The following FNBP1L variants were observed in gnomAD, a reference collection of about 807,000 sequenced individuals.
FNBP1L encodes formin binding protein 1 like.
In FNBP1L, 36 loss-of-function variants were observed where a neutral mutation model predicts 91.2. The ratio of observed to expected loss-of-function variants is 0.39; its 90% CI spans 0.30 to 0.52. The LOEUF is 0.52. Among genes scored for constraint, FNBP1L ranks in the 20% least tolerant of loss-of-function variants. The pLI is 0.66. For synonymous variants in FNBP1L, 242 were observed against 237.0 expected (o/e 1.02, Z -0.19); for missense variants, 571 against 732.1 (o/e 0.78, Z 2.54).
chr1:93,469,627 A>G (rs933237807), intron 1 of FNBP1L, among the ~76,000 whole-genome samples: 3 of 152,204 alleles, frequency 2.0e-5, no homozygotes, highest in Non-Finnish European at 2.9e-5. Flanking sequence ...AATGTTCACC[A>G]TAAATTTCTG....
chr1:93,467,771 A>G (rs1016622643), intron 1 of FNBP1L, among the ~76,000 whole-genome samples: 12 of 151,944 alleles, frequency 7.9e-5, no homozygotes, highest in Admixed American at 5.2e-4. Flanking sequence ...GGGCAACATA[A>G]CAAGACCCCA....
At chr1:93,490,511 A>G (rs1670058774) in intron 1 of FNBP1L, among the ~76,000 whole-genome samples, 1 of 152,206 alleles carries the variant, frequency 6.6e-6, no homozygotes, top group Non-Finnish European at 1.5e-5. Context: ...ATTTCACACA[A>G]GCTATGGTAA....
In FNBP1L at chr1:93,553,598, A is replaced by G. The variant is rs1335007173; in HGVS notation, c.*1182A>G. ...ATGACGATCATGTTTGATAATTACA[A>G]TGATAGTCTCTTTCCACGTGATGCT... On this transcript the variant is annotated 3_prime_UTR_variant, in exon 17 of 17. Coordinates refer to ENST00000271234, the MANE Select transcript of FNBP1L (RefSeq NM_001164473.3). 6.5e-6 allele frequency: 1 copy of G among 152,674 alleles called. No individual in the cohort carries two copies. Among genetic ancestry groups the G allele is most frequent in the Non-Finnish European group, 1.5e-5 (1 of 68,046 alleles). 9.5% of individuals were successfully genotyped at this position (152,674 alleles called of 1,614,324 possible).
chr1:93,529,556 TGTTA>T lies in FNBP1L; in HGVS notation c.406-91_406-88del. On this transcript the variant is annotated intron_variant, in intron 5 of 16. Transcript: ENST00000271234. ...GCTGCACCCATCAACCCGTCATCTATGTTAGTTATTTCTCCTAATGCTCTCTAAA... is the reference window on the plus strand; with the variant it reads ...GCTGCACCCATCAACCCGTCATCTATGTTATTTCTCCTAATGCTCTCTAAA... 3 of 707,588 alleles carry T rather than the reference TGTTA, an allele frequency of 4.2e-6. No individual in the cohort carries two copies. In the East Asian group the frequency reaches 9.3e-5, roughly 22 times the overall value. 43.8% of individuals were successfully genotyped at this position (707,588 alleles called of 1,614,324 possible).
chr1:93,510,250 G>A (rs1670781595), intron 2 of FNBP1L, among the ~76,000 whole-genome samples: 1 of 152,188 alleles, frequency 6.6e-6, no homozygotes, highest in Admixed American at 6.5e-5. Flanking sequence ...CCAGCACACA[G>A]CTGGAGATCT....
At chr1:93,498,015 CTT>C (rs1557792892) in intron 1 of FNBP1L, among the ~76,000 whole-genome samples, 2 of 151,380 alleles carry the variant, frequency 1.3e-5, no homozygotes, top group African/African-American at 4.8e-5. Context: ...ATTTTCATCT[CTT>C]TTTAAAATTT....
chr1:93,496,518 A>G (rs1237879049), intron 1 of FNBP1L, among the ~76,000 whole-genome samples: 1 of 152,040 alleles, frequency 6.6e-6, no homozygotes, highest in African/African-American at 2.4e-5. Context: ...CTTCCACTTC[A>G]GTCTCCCAGG....
At chr1:93,449,582 AT>A (rs1668414625) in intron 1 of FNBP1L, among the ~76,000 whole-genome samples, 1 of 152,216 alleles carries the variant, frequency 6.6e-6, no homozygotes, top group African/African-American at 2.4e-5. Context: ...TTTAGAGTCC[AT>A]CTAGTGAATG....
intron 1 of FNBP1L, among the ~76,000 whole-genome samples, chr1:93,450,674 C>A (rs753139677): frequency 3.3e-5 from 5 of 152,102 alleles, no homozygotes; most frequent in African/African-American, 9.7e-5. Context: ...GAAATTCTCT[C>A]GAAATTTTGG....
Position 93,476,496 on chromosome 1 carries a change from A to G in FNBP1L, c.25-22972A>G, listed in dbSNP as rs182025077. Among the ~76,000 whole-genome samples the G allele has an allele frequency of 4.9e-4, 75 of 152,316 alleles. 1 individual carries two copies. The highest frequency in any genetic ancestry group is 7.2e-4 in the Non-Finnish European group (49 of 68,026). Reference sequence around the variant, plus strand: ...AACCTAAGGATAGGGATATTATGTGAACAAAAATATCCTTATGTTTTTGGT... The same window carrying G: ...AACCTAAGGATAGGGATATTATGTGGACAAAAATATCCTTATGTTTTTGGT... On this transcript the variant is annotated intron_variant, in intron 1 of 16. Coordinates refer to ENST00000271234, the MANE Select transcript of FNBP1L (RefSeq NM_001164473.3).
At chr1:93,477,185 G>A (rs1570781526) in intron 1 of FNBP1L, among the ~76,000 whole-genome samples, 1 of 152,232 alleles carries the variant, frequency 6.6e-6, no homozygotes, top group African/African-American at 2.4e-5. Context: ...GGCTATTGCA[G>A]TATTAAACAA....
At chr1:93,504,901 T>C (rs953141167) in intron 2 of FNBP1L, among the ~76,000 whole-genome samples, 1 of 152,180 alleles carries the variant, frequency 6.6e-6, no homozygotes. Flanking sequence ...ATTCTCTTGA[T>C]TGTGTCCTTC....
At chr1:93,525,442 T>C (rs926697318) in intron 5 of FNBP1L, among the ~76,000 whole-genome samples, 2 of 152,144 alleles carry the variant, frequency 1.3e-5, no homozygotes, top group Non-Finnish European at 2.9e-5. Context: ...GTTTTCATTT[T>C]CATTTTGATT....
chr1:93,530,841 A>G lies in FNBP1L; in HGVS notation c.597A>G (p.Glu199=). The G allele has an allele frequency of 6.4e-7, 1 of 1,555,388 alleles. No individual in the cohort carries two copies. The highest frequency in any genetic ancestry group is 8.7e-7 in the Non-Finnish European group (1 of 1,147,666). ...CACAATTACAAAACTTTAATGGAGA[A>G]CAACATAAACATTTTTATGTAGTGA... ...YAAQLQNFNG[E]QHKHFYVVIP... is the part of the protein sequence containing the mutation. Residue 199 remains glutamate, a synonymous_variant, in exon 7 of 17, where the codon GAA becomes GAG. Coordinates refer to ENST00000271234, the MANE Select transcript of FNBP1L (RefSeq NM_001164473.3).
At chr1:93,466,625 T>G (rs1281021555) in intron 1 of FNBP1L, among the ~76,000 whole-genome samples, 3 of 152,178 alleles carry the variant, frequency 2.0e-5, no homozygotes, top group Non-Finnish European at 4.4e-5. Context: ...TAATTTGAGG[T>G]CAGGTAGCGT....
intron 1 of FNBP1L, among the ~76,000 whole-genome samples, chr1:93,455,119 G>A (rs1419617821): frequency 6.6e-6 from 1 of 152,014 alleles, no homozygotes; most frequent in African/African-American, 2.4e-5. Flanking sequence ...TAGTAGAGAC[G>A]GGATTTCCCC....
At chr1:93,533,637 CAAGAG>C (rs1177583592) in intron 8 of FNBP1L, among the ~76,000 whole-genome samples, 1 of 152,064 alleles carries the variant, frequency 6.6e-6, no homozygotes, top group African/African-American at 2.4e-5. Flanking sequence ...AAGGCAGTGG[CAAGAG>C]AAGAGAACTG....
intron 1 of FNBP1L, among the ~76,000 whole-genome samples, chr1:93,475,136 A>G (rs1052306962): frequency 6.6e-6 from 1 of 152,186 alleles, no homozygotes; most frequent in Non-Finnish European, 1.5e-5. Flanking sequence ...CTAAAAAACT[A>G]TGAGACATGC....
At position 93,523,551 on chromosome 1, in the gene FNBP1L, T is replaced by G. The variant is rs1671401226; in HGVS notation, c.342+60T>G. The G allele has an allele frequency of 2.1e-6, 3 of 1,446,282 alleles. No individual in the cohort carries two copies. In the East Asian group the frequency reaches 7.4e-5, roughly 36 times the overall value. 89.6% of individuals were successfully genotyped at this position (1,446,282 alleles called of 1,614,324 possible). ...ATATGAAATAGTCACACAGAAACAC[T>G]TTGTTTTCTTTAAAATGTGTGTTCA... On this transcript the variant is annotated intron_variant, in intron 4 of 16. Transcript: ENST00000271234.
Sources: allele counts gnomAD v4.1 joint callset (sites outside exome capture counted in the v4.1 genomes callset), GRCh38; gene constraint gnomAD v4.1.1; transcripts MANE v1.5; gene names NCBI Gene and HGNC (gene_info 2026-07-23, HGNC 2026-07-21).